ERG: variants seen among roughly 807,000 people sequenced by gnomAD.
The protein encoded by ERG is ETS transcription factor ERG, also known as transcriptional regulator ERG.
ERG carries 9 observed loss-of-function variants against 55.3 expected under a neutral mutation model. The ratio of observed to expected loss-of-function variants is 0.16; its 90% confidence interval spans 0.10 to 0.28. ERG has a LOEUF of 0.28. Among genes scored for constraint, ERG ranks in the 10% least tolerant of loss-of-function variants. ERG has a pLI of 1.00. For synonymous variants in ERG, 223 were observed against 237.3 expected, an observed-to-expected ratio of 0.94 and a Z score of 0.55; for missense variants, 434 against 631.6, an observed-to-expected ratio of 0.69 and a Z score of 3.35.
At chr21:38,475,458 T>C (rs1038082424) in intron 1 of ERG, among the ~76,000 whole-genome samples, 9 of 152,202 alleles carry the variant, frequency 5.9e-5, no homozygotes, top group African/African-American at 2.2e-4. Context: ...AGGGCTGTTC[T>C]TCTGACAGCC....
chr21:38,658,837 C>T (rs1398263578), intron 1 of ERG, among the ~76,000 whole-genome samples: 3 of 152,128 alleles, frequency 2.0e-5, no homozygotes, highest in Non-Finnish European at 2.9e-5. Flanking sequence ...AAAAGCAAAA[C>T]GTGGAACGTG....
chr21:38,556,202 A>G lies in ERG; in HGVS notation c.-41+19460T>C, dbSNP rs563807862. On this transcript the variant is annotated intron_variant, in intron 2 of 8. Transcript: ENST00000398897. Reference sequence around the variant, plus strand: ...GGCAGTTTCAAAAAATTGAAAAAATAGCAGTTACTATGACCTCTTTTGGCA... The same window carrying G: ...GGCAGTTTCAAAAAATTGAAAAAATGGCAGTTACTATGACCTCTTTTGGCA... Among the ~76,000 whole-genome samples, 7 of 152,348 alleles carry G rather than the reference A, an allele frequency of 4.6e-5. No individual in the cohort carries two copies. In the East Asian group the frequency reaches 1.3e-3, roughly 29 times the overall value.
chr21:38,519,772 C>G (rs1194613623), intron 2 of ERG, among the ~76,000 whole-genome samples: 1 of 152,142 alleles, frequency 6.6e-6, no homozygotes, highest in African/African-American at 2.4e-5. Context: ...AAGTCACCTA[C>G]AAGAATGTCC....
intron 2 of ERG, among the ~76,000 whole-genome samples, chr21:38,544,925 T>C (rs2836500): frequency 0.5 from 76,567 of 151,676 alleles, 20,618 homozygotes; most frequent in Non-Finnish European, 0.62. Context: ...CTCTGACTAG[T>C]TCCCTGAAAT....
rs2146405920 is a variant in ERG at position 38,381,185 on chromosome 21, T to G, written c.*2218A>C. On this transcript the variant is annotated 3_prime_UTR_variant, in exon 10 of 10. Transcript: ENST00000288319. ...AGCACAGAGGTTTGGCAACTTCACA[T>G]AATCATAGCAAAAGGACTGCAACGT... 9.4e-7 allele frequency: 1 copy of G among 1,065,054 alleles called. No homozygotes were observed. The highest frequency in any genetic ancestry group is 4.6e-5 in the South Asian group (1 of 21,972). The allele number at this position is 1,065,054 out of a possible 1,614,324, so 66.0% of individuals were successfully genotyped here. A position where few individuals can be genotyped will look rare whatever the true frequency, so the allele number is the denominator to read the frequency against.
At chr21:38,465,640 C>T (rs962196628) in intron 1 of ERG, among the ~76,000 whole-genome samples, 6 of 152,158 alleles carry the variant, frequency 3.9e-5, no homozygotes, top group Non-Finnish European at 5.9e-5. Context: ...GGCAAGGCTA[C>T]GCAAGTGTAG....
intron 1 of ERG, among the ~76,000 whole-genome samples, chr21:38,479,781 T>G (rs2059220808): frequency 6.6e-6 from 1 of 152,208 alleles, no homozygotes; most frequent in Non-Finnish European, 1.5e-5. Flanking sequence ...GGTCATCAGT[T>G]TTGCAGTTTG....
intron 9 of ERG, among the ~76,000 whole-genome samples, chr21:38,386,404 T>C: frequency 6.6e-6 from 1 of 152,230 alleles, no homozygotes; most frequent in East Asian, 1.9e-4. Context: ...AATTTAATAT[T>C]TGTAACAAAA....
At chr21:38,601,027 A>G (rs1189929163) in intron 1 of ERG, among the ~76,000 whole-genome samples, 1 of 152,210 alleles carries the variant, frequency 6.6e-6, no homozygotes, top group Non-Finnish European at 1.5e-5. Context: ...CAGGTTTACA[A>G]GGAAGAAACA....
At chr21:38,540,983 G>T (rs567089096) in intron 2 of ERG, among the ~76,000 whole-genome samples, 1 of 151,342 alleles carries the variant, frequency 6.6e-6, no homozygotes, top group African/African-American at 2.4e-5. Flanking sequence ...GCCTTTGAGC[G>T]CTTGGGTGGC....
chr21:38,616,756 C>T (rs1283802519), intron 1 of ERG, among the ~76,000 whole-genome samples: 1 of 152,106 alleles, frequency 6.6e-6, no homozygotes, highest in Non-Finnish European at 1.5e-5. Flanking sequence ...ATCCTAAGCA[C>T]TGCCTGGAGG....
chr21:38,469,957 A>G (rs184857685), intron 1 of ERG, among the ~76,000 whole-genome samples: 1 of 152,372 alleles, frequency 6.6e-6, no homozygotes, highest in East Asian at 1.9e-4. Context: ...TATTGCAAAC[A>G]GATGTCTGCA....
chr21:38,479,448 G>A (rs564693918), intron 1 of ERG, among the ~76,000 whole-genome samples: 1 of 152,288 alleles, frequency 6.6e-6, no homozygotes, highest in South Asian at 2.1e-4. Context: ...TTTAGAAGTA[G>A]GATCTTTGCA....
chr21:38,410,790 G>A (rs1989013229), intron 3 of ERG, among the ~76,000 whole-genome samples: 1 of 152,116 alleles, frequency 6.6e-6, no homozygotes, highest in South Asian at 2.1e-4. Flanking sequence ...CCCCTCTAGA[G>A]AAATGAATAA....
intron 3 of ERG, among the ~76,000 whole-genome samples, chr21:38,405,855 T>C (rs1333953520): frequency 1.3e-5 from 2 of 151,996 alleles, no homozygotes; most frequent in Non-Finnish European, 1.5e-5. Context: ...CATTCTCACT[T>C]AAAAATCAGT....
intron 2 of ERG, among the ~76,000 whole-genome samples, chr21:38,506,259 T>C (rs934097351): frequency 6.6e-6 from 1 of 152,206 alleles, no homozygotes; most frequent in African/African-American, 2.4e-5. Flanking sequence ...CAAATGTGAG[T>C]TGCATCAAAT....
intron 9 of ERG, among the ~76,000 whole-genome samples, chr21:38,390,431 G>A (rs956178654): frequency 6.6e-6 from 1 of 152,186 alleles, no homozygotes; most frequent in Non-Finnish European, 1.5e-5. Context: ...ATCTAAGAAT[G>A]TGACCTTTTT....
Position 38,480,591 on chromosome 21 carries a change from CTTTTTTTTT to C in ERG, c.18+17763_18+17771del, listed in dbSNP as rs544037525. ...TTGCCACTTTAGGGCACTATATGGC[CTTTTTTTTT>C]TTTTTTTTTTTTTTGCCTTATAGAG... On this transcript the variant is annotated intron_variant, in intron 1 of 9. Transcript: ENST00000288319. 1.2e-3 allele frequency among the ~76,000 whole-genome samples: 62 copies of C among 51,124 alleles called. 1 individual carries two copies. Among genetic ancestry groups the C allele is most frequent in the Admixed American group, 6.3e-3 (21 of 3,320 alleles). The allele number at this position is 51,124 out of a possible 152,430, so 33.5% of individuals were successfully genotyped here. A position where few individuals can be genotyped will look rare whatever the true frequency, so the allele number is the denominator to read the frequency against.
At chr21:38,440,104 G>A (rs1031452554) in intron 2 of ERG, among the ~76,000 whole-genome samples, 1 of 152,228 alleles carries the variant, frequency 6.6e-6, no homozygotes, top group Non-Finnish European at 1.5e-5. Flanking sequence ...TTTGACTTAC[G>A]TAACTTCCCC....
Sources: allele counts gnomAD v4.1 joint callset (sites outside exome capture counted in the v4.1 genomes callset), GRCh38; gene constraint gnomAD v4.1.1; transcripts MANE v1.5; gene names NCBI Gene and HGNC (gene_info 2026-07-23, HGNC 2026-07-21).